Variants in OPLAH observed in about 807,000 individuals in gnomAD.
The protein encoded by OPLAH is 5-oxoprolinase.
A neutral mutation model predicts 122.8 loss-of-function variants in OPLAH; 103 were observed. The ratio of observed to expected loss-of-function variants is 0.84; its 90% CI spans 0.71 to 0.99. The LOEUF is 0.99. Among genes scored for constraint, OPLAH ranks in the 50% least tolerant of loss-of-function variants. OPLAH has a pLI of 0.00. For missense variants in OPLAH, 1,902 were observed against 1,836.5 expected (o/e 1.04, Z -0.65); for synonymous variants, 875 against 796.0 (o/e 1.10, Z -1.67).
chr8:144,050,741 G>C, downstream of OPLAH: 1 of 986,336 alleles, frequency 1.0e-6, no homozygotes, highest in Non-Finnish European at 1.2e-6. Flanking sequence ...GTGGACCTGG[G>C]GAGCGCCGTC....
rs1835585480 is a variant in OPLAH at position 144,058,499 on chromosome 8, G to A, written c.780C>T (p.Leu260=). ...TGGGGGTGCCTCACAGCCTCACCTT[G>A]AGTTGGCCCTGGAAGCCACGGCAGA... ...QGFCRGFQGQ[L]KDVQVLFMRS... The change falls in exon 6 of 27, where the codon CTC becomes CTT. Residue 260 remains leucine (L), a synonymous_variant. Transcript: ENST00000618853. 1.3e-6 allele frequency: 2 copies of A among 1,580,114 alleles called. No homozygotes were observed. The highest frequency in any genetic ancestry group is 3.4e-5 in the Admixed American group (2 of 58,900).
rs556641695 is a variant in OPLAH at position 144,056,006 on chromosome 8, G to T, written c.2097-67C>A. ...ACACCCCTCCAACCAGAGATGCCAC[G>T]GCCCCAGGCCAGGGGCCACCCCAAC... On this transcript the variant is annotated intron_variant, in intron 15 of 26. Transcript: ENST00000618853. 6 of 1,491,512 alleles carry T rather than the reference G, an allele frequency of 4.0e-6. No homozygotes were observed. In the African/African-American group the frequency reaches 8.4e-5, roughly 21 times the overall value. The allele number at this position is 1,491,512 out of a possible 1,614,324, so 92.4% of individuals were successfully genotyped here.
downstream of OPLAH, chr8:144,050,545 G>A (rs935443192): frequency 1.6e-4 from 160 of 985,674 alleles, no homozygotes; most frequent in Middle Eastern, 5.2e-4. Context: ...GCAGACCACC[G>A]GCTAGAGCAG....
In OPLAH at chr8:144,052,042, G is replaced by T. The variant is rs1554757796; in HGVS notation, c.3496C>A (p.Arg1166=). The T allele has an allele frequency of 1.9e-6, 3 of 1,589,486 alleles. No individual in the cohort carries two copies. The highest frequency in any genetic ancestry group is 1.7e-4 in the Middle Eastern group (1 of 5,978). The part of the protein sequence containing the change: ...PVILRRFELR[R]GSGGRGRFRG... ...AAGCGGCCTCTGCCCCCCGAGCCCCGCCGCAGCTCGAAGCGGCGCAGGATG... is the reference window on the plus strand; with the variant it reads ...AAGCGGCCTCTGCCCCCCGAGCCCCTCCGCAGCTCGAAGCGGCGCAGGATG... Residue 1166 remains arginine (R), a synonymous_variant, in exon 25 of 27, where the codon CGG becomes AGG. Transcript: ENST00000618853.
intron 17 of OPLAH, 52 bp downstream of exon 17, chr8:144,054,977 G>T (rs1489048857): frequency 1.9e-5 from 20 of 1,046,268 alleles, no homozygotes; most frequent in Non-Finnish European, 2.5e-5. Context: ...GGGTGGGGGG[G>T]GGGTGGAGGG....
In OPLAH at chr8:144,057,881, G is replaced by A; in HGVS notation, c.1131C>T (p.His377=). 6.2e-7 allele frequency: 1 copy of A among 1,612,166 alleles called. No homozygotes were observed. The highest frequency in any genetic ancestry group is 8.5e-7 in the Non-Finnish European group (1 of 1,179,640). ...CTTTGCGGTAGCAGGCGGGTCCTGG[G>A]TGGGCTCCTGCTGACTCGGGCCCAA... ...FVVGPESAGA[H]PGPACYRKGG... is the part of the protein sequence containing the mutation. Residue 377 remains histidine, a synonymous_variant, in exon 9 of 27, where the codon CAC becomes CAT. Coordinates refer to ENST00000618853, the MANE Select transcript of OPLAH (RefSeq NM_017570.5).
chr8:144,052,369 G>C, intron 23 of OPLAH, 43 bp from the exon 24 acceptor site: 1 of 1,510,374 alleles, frequency 6.6e-7, no homozygotes. Context: ...GGGGCAGGGC[G>C]TCCCCACCTC....
chr8:144,055,469 A>C lies in OPLAH; in HGVS notation c.2249-280T>G, dbSNP rs547574538. On this transcript the variant is annotated intron_variant, in intron 16 of 26. Coordinates refer to ENST00000618853, the MANE Select transcript of OPLAH (RefSeq NM_017570.5). This position sits in a 1 kb window ranked among gnomAD's most constrained non-coding sequence, Gnocchi z 6.5. The stretch of plus-strand genomic sequence containing the variant: ...CTGGCACAGCAAGAACCTGGTTCCT[A>C]GGCTCTTGACCTCTGGGCTCCCAGC... Among the ~76,000 whole-genome samples, 6 of 151,966 alleles carry C rather than the reference A, an allele frequency of 3.9e-5. No individual in the cohort carries two copies. In the South Asian group the frequency reaches 1.2e-3, roughly 32 times the overall value.
chr8:144,059,370 C>T (rs1445330130), intron 3 of OPLAH, among the ~76,000 whole-genome samples: 1 of 152,174 alleles, frequency 6.6e-6, no homozygotes, highest in Non-Finnish European at 1.5e-5. Context: ...CTTGGGTGGC[C>T]CCACACCAGC....
rs781956288 is a variant in OPLAH, at chr8:144,054,638, T to TG, written c.2608dup (p.His870ProfsTer92). The stretch of plus-strand genomic sequence containing the variant: ...ACCCTCCTGTTGCAGCATGGTGGAG[T>TG]GGGGGGGCATGGAGCCTGGTGTGAT... On this transcript the variant is annotated frameshift_variant, in exon 19 of 27. Coordinates refer to ENST00000618853, the MANE Select transcript of OPLAH (RefSeq NM_017570.5). LOFTEE classifies it high-confidence loss of function. The TG allele has an allele frequency of 2.5e-5, 41 of 1,610,528 alleles. No homozygotes were observed. In the South Asian group the frequency reaches 2.6e-4, roughly 10 times the overall value.
At chr8:144,050,840 C>T, downstream of OPLAH, 1 of 991,942 alleles carries the variant, frequency 1.0e-6, no homozygotes, top group Non-Finnish European at 1.2e-6. Flanking sequence ...ATGGCCTCCT[C>T]CCCCAAGATG....
At chr8:144,061,606 C>T (rs1554760928), upstream of OPLAH, among the ~76,000 whole-genome samples, 1 of 152,224 alleles carries the variant, frequency 6.6e-6, no homozygotes, top group African/African-American at 2.4e-5. Context: ...TCCTACACTC[C>T]CCGCAGCGCC....
chr8:144,054,177 C>T (rs1554758374), intron 19 of OPLAH, among the ~76,000 whole-genome samples: 1 of 151,852 alleles, frequency 6.6e-6, no homozygotes, highest in Non-Finnish European at 1.5e-5. Context: ...AGACCTAGGC[C>T]CAGAAAACTC....
At chr8:144,051,220 G>A (rs1835364869), downstream of OPLAH, 4 of 1,547,824 alleles carry the variant, frequency 2.6e-6, no homozygotes, top group Admixed American at 4.1e-5. Context: ...AAGCACAGAT[G>A]AGGGGCGCGC....
Position 144,057,168 on chromosome 8 carries a change from G to A in OPLAH, c.1535+40C>T, listed in dbSNP as rs373142481. 728 of 1,600,968 alleles carry A rather than the reference G, an allele frequency of 4.5e-4. 2 individuals carry two copies. Among genetic ancestry groups the A allele is most frequent in the Non-Finnish European group, 5.6e-4 (654 of 1,174,510 alleles). Reference sequence around the variant, plus strand: ...TGGGAGGTCACCTCCCAAGCCCGGCGCAGATCACACCACCTCCGTGCACCC... The same window carrying A: ...TGGGAGGTCACCTCCCAAGCCCGGCACAGATCACACCACCTCCGTGCACCC... On this transcript the variant is annotated intron_variant, in intron 11 of 26. Coordinates refer to ENST00000618853, the MANE Select transcript of OPLAH (RefSeq NM_017570.5).
intron 1 of OPLAH, 125 bp from the exon 2 acceptor site, chr8:144,060,210 G>T: frequency 1.7e-5 from 12 of 710,760 alleles, no homozygotes; most frequent in Non-Finnish European, 2.7e-5. Context: ...AGCCAGAGCC[G>T]CAGGCCCAGC....
chr8:144,057,715 T>G lies in OPLAH; in HGVS notation c.1157-2A>C. 1 of 1,609,304 alleles carries G rather than the reference T, an allele frequency of 6.2e-7. No individual in the cohort carries two copies. The highest frequency in any genetic ancestry group is 8.5e-7 in the Non-Finnish European group (1 of 1,177,984). On this transcript the variant is annotated splice_acceptor_variant, in intron 9 of 26. Transcript: ENST00000618853. LOFTEE classifies it high-confidence loss of function. ...CATCCGTCACTGTCACAGGGCCCCCTGGGAGGTGGACAGGGTGTGGGGCTT... is the reference window on the plus strand; with the variant it reads ...CATCCGTCACTGTCACAGGGCCCCCGGGGAGGTGGACAGGGTGTGGGGCTT...
chr8:144,054,776 C>A, intron 18 of OPLAH, 36 bp downstream of exon 18: 1 of 1,612,166 alleles, frequency 6.2e-7, no homozygotes, highest in Non-Finnish European at 8.5e-7. Context: ...TCGGCCACCA[C>A]TGCCCCAGCA....
intron 15 of OPLAH, 103 bp from the exon 16 acceptor site, chr8:144,056,042 TAC>T: frequency 2.7e-6 from 4 of 1,505,884 alleles, no homozygotes; most frequent in Non-Finnish European, 3.6e-6. Context: ...GATGGTGGGA[TAC>T]AGAGTCCTGC....
Sources: allele counts gnomAD v4.1 joint callset (sites outside exome capture counted in the v4.1 genomes callset), GRCh38; gene constraint gnomAD v4.1.1; non-coding constraint Gnocchi (gnomAD v3.1); transcripts MANE v1.5; gene names NCBI Gene and HGNC (gene_info 2026-07-23, HGNC 2026-07-21).